The following FAT3 variants were observed in gnomAD, a reference collection of about 807,000 sequenced individuals.
The protein encoded by FAT3 is protocadherin Fat 3.
A neutral mutation model predicts 310.2 loss-of-function variants in FAT3; 95 were observed. The ratio of observed to expected loss-of-function variants is 0.31; its 90% CI spans 0.26 to 0.36. The LOEUF is 0.36. Among genes scored for constraint, FAT3 ranks in the 10% least tolerant of loss-of-function variants. The probability of loss-of-function intolerance (pLI) is 1.00; values close to 1 mark genes in which losing one functional copy is unlikely to be tolerated. For missense variants in FAT3, 5,408 were observed against 5,715.6 expected, an observed-to-expected ratio of 0.95 and a Z score of 1.74; for synonymous variants, 2,314 against 2,192.9, an observed-to-expected ratio of 1.06 and a Z score of -1.54.
intron 1 of FAT3, among the ~76,000 whole-genome samples, chr11:92,270,609 C>T (rs1363360620): frequency 6.6e-6 from 1 of 152,014 alleles, no homozygotes; most frequent in African/African-American, 2.4e-5. Context: ...TCACTTGAAC[C>T]CAGGAGGCAG....
rs10586850 is a variant in FAT3, at chr11:92,282,657, TAAA to T, written c.-18+57496_-18+57498del. Reference sequence around the variant, plus strand: ...AAGAGTGAAACTCTATCTCAAAAAATAAAAAAAAAAAAAAAGGATGTTGTAAAT... The same window carrying T: ...AAGAGTGAAACTCTATCTCAAAAAATAAAAAAAAAAAAGGATGTTGTAAAT... On this transcript the variant is annotated intron_variant, in intron 1 of 27. Coordinates refer to ENST00000525166, the MANE Select transcript of FAT3 (RefSeq NM_001367949.2). 1.5e-3 allele frequency among the ~76,000 whole-genome samples: 213 copies of T among 141,632 alleles called. 1 individual carries two copies. The highest frequency in any genetic ancestry group is 4.0e-3 in the African/African-American group (158 of 39,940). 92.9% of individuals were successfully genotyped at this position (141,632 alleles called of 152,430 possible).
At chr11:92,827,707 C>A (rs1948136844) in intron 13 of FAT3, among the ~76,000 whole-genome samples, 2 of 152,186 alleles carry the variant, frequency 1.3e-5, no homozygotes, top group African/African-American at 4.8e-5. Context: ...CTTTCACAAC[C>A]CATTCCTGAA....
intron 9 of FAT3, among the ~76,000 whole-genome samples, chr11:92,794,211 A>G (rs1315539373): frequency 6.6e-6 from 1 of 152,042 alleles, no homozygotes; most frequent in Non-Finnish European, 1.5e-5. Flanking sequence ...TAATTATATA[A>G]TCTTTGTTCT....
intron 3 of FAT3, among the ~76,000 whole-genome samples, chr11:92,536,461 G>A (rs1954262698): frequency 6.6e-6 from 1 of 152,120 alleles, no homozygotes; most frequent in South Asian, 2.1e-4. Context: ...ACTTCTCTGA[G>A]CTTCAGTTTA....
chr11:92,641,057 A>G (rs943873316), intron 3 of FAT3, among the ~76,000 whole-genome samples: 2 of 152,092 alleles, frequency 1.3e-5, no homozygotes, highest in Non-Finnish European at 2.9e-5. Context: ...TTAGCCAGGC[A>G]TGATAGCATG....
At chr11:92,788,733 A>G (rs1365877975) in intron 7 of FAT3, among the ~76,000 whole-genome samples, 1 of 152,194 alleles carries the variant, frequency 6.6e-6, no homozygotes, top group Non-Finnish European at 1.5e-5. Flanking sequence ...TTTAAATCAA[A>G]CAATTTATAA....
intron 1 of FAT3, among the ~76,000 whole-genome samples, chr11:92,266,064 C>T (rs1351156660): frequency 6.6e-6 from 1 of 152,074 alleles, no homozygotes; most frequent in African/African-American, 2.4e-5. Flanking sequence ...TCAATAATTA[C>T]TTTTTATTAT....
chr11:92,386,299 T>C (rs1176823589), intron 2 of FAT3, among the ~76,000 whole-genome samples: 1 of 152,196 alleles, frequency 6.6e-6, no homozygotes, highest in Admixed American at 6.5e-5. Flanking sequence ...AATTACTTGA[T>C]CTCTTTGTAT....
At chr11:92,486,835 A>G (rs1274010722) in intron 2 of FAT3, among the ~76,000 whole-genome samples, 3 of 152,118 alleles carry the variant, frequency 2.0e-5, no homozygotes, top group Non-Finnish European at 4.4e-5. Flanking sequence ...GGAGGGTTTG[A>G]AATTATTTTT....
At chr11:92,370,259 G>A (rs7128669) in intron 2 of FAT3, among the ~76,000 whole-genome samples, 27,470 of 152,148 alleles carry the variant, frequency 0.18, 5,625 homozygotes, top group African/African-American at 0.5. Flanking sequence ...TTGGTTTGGT[G>A]GGATGTTTCT....
intron 3 of FAT3, among the ~76,000 whole-genome samples, chr11:92,643,240 C>T (rs1046458478): frequency 3.9e-5 from 6 of 152,060 alleles, no homozygotes; most frequent in Non-Finnish European, 7.4e-5. Context: ...TTCAAATTTC[C>T]CCTGGGCTTT....
chr11:92,669,969 G>C (rs1221480612), intron 3 of FAT3, among the ~76,000 whole-genome samples: 1 of 152,170 alleles, frequency 6.6e-6, no homozygotes, highest in Admixed American at 6.5e-5. Context: ...TTTGCCACCA[G>C]TTGGCCACAT....
At chr11:92,573,845 A>AAAATGTATGT (rs930851157) in intron 3 of FAT3, among the ~76,000 whole-genome samples, 3 of 152,134 alleles carry the variant, frequency 2.0e-5, no homozygotes, top group Non-Finnish European at 2.9e-5. Context: ...TGTGAGAAAA[A>AAAATGTATGT]AAATGTATGT....
intron 26 of FAT3, among the ~76,000 whole-genome samples, chr11:92,889,561 C>T (rs1024044802): frequency 6.6e-6 from 1 of 152,170 alleles, no homozygotes; most frequent in Non-Finnish European, 1.5e-5. Context: ...CTATTATGAG[C>T]TGGGAATCCT....
intron 3 of FAT3, among the ~76,000 whole-genome samples, chr11:92,596,192 C>T (rs1939699520): frequency 6.6e-6 from 1 of 151,974 alleles, no homozygotes; most frequent in South Asian, 2.1e-4. Flanking sequence ...GGGTAGGCAC[C>T]CCATTTTTGA....
rs868339708 is a variant in FAT3 at position 92,507,161 on chromosome 11, A to G, written c.3293-17473A>G. On this transcript the variant is annotated intron_variant, in intron 2 of 27. Transcript: ENST00000525166. Reference sequence around the variant, plus strand: ...AGAGCAAGTGGGCACATTTCATCTCAATTACCAAAAGAAGATGAATACAAG... The same window carrying G: ...AGAGCAAGTGGGCACATTTCATCTCGATTACCAAAAGAAGATGAATACAAG... 2.0e-5 allele frequency among the ~76,000 whole-genome samples: 3 copies of G among 152,166 alleles called. No individual in the cohort carries two copies. The South Asian group carries it at 6.2e-4, about 32-fold the overall frequency.
chr11:92,358,129 A>G (rs11019920), intron 2 of FAT3, among the ~76,000 whole-genome samples: 5 of 152,082 alleles, frequency 3.3e-5, no homozygotes, highest in African/African-American at 9.7e-5. Flanking sequence ...GTGAGTGGTG[A>G]CCACACCACT....
chr11:92,519,735 C>T (rs1273361352), intron 2 of FAT3, among the ~76,000 whole-genome samples: 4 of 152,026 alleles, frequency 2.6e-5, no homozygotes, highest in Admixed American at 2.6e-4. Flanking sequence ...ACTTCTTTAT[C>T]TTAGAGAAGA....
At chr11:92,648,467 T>C (rs1475649571) in intron 3 of FAT3, among the ~76,000 whole-genome samples, 1 of 152,178 alleles carries the variant, frequency 6.6e-6, no homozygotes, top group East Asian at 1.9e-4. Context: ...ATTCTAGGAA[T>C]AGCGTTCAGG....
Sources: gnomAD v4.1 joint callset for allele counts (sites outside exome capture counted in the v4.1 genomes callset) on GRCh38, gnomAD v4.1.1 for gene constraint, MANE v1.5 for transcripts, NCBI Gene and HGNC (gene_info 2026-07-23, HGNC 2026-07-21) for gene names.